IRF8: variants seen among roughly 807,000 people sequenced by gnomAD.
The protein encoded by IRF8 is interferon consensus sequence binding protein 1.
In IRF8, 14 loss-of-function variants were observed where a neutral mutation model predicts 48.7. The ratio of observed to expected loss-of-function variants is 0.29; its 90% CI spans 0.19 to 0.45. IRF8 has a LOEUF of 0.45. Among genes scored for constraint, IRF8 ranks in the 20% least tolerant of loss-of-function variants. IRF8 has a pLI of 1.00. For synonymous variants in IRF8, 278 were observed against 227.3 expected (o/e 1.22, Z -2.01); for missense variants, 493 against 580.7 (o/e 0.85, Z 1.55).
intron 6 of IRF8, among the ~76,000 whole-genome samples, chr16:85,916,320 G>A (rs554531959): frequency 2.0e-5 from 3 of 152,240 alleles, no homozygotes; most frequent in Non-Finnish European, 2.9e-5. Flanking sequence ...TCAGGCAGGT[G>A]GGCTGCAGGG....
At position 85,921,490 on chromosome 16, in the gene IRF8, A is replaced by T. The variant is rs1597258578; in HGVS notation, c.*208A>T. 1 of 613,762 alleles carries T rather than the reference A, an allele frequency of 1.6e-6. No homozygotes were observed. Among genetic ancestry groups the T allele is most frequent in the East Asian group, 2.8e-5 (1 of 35,332 alleles). The allele number at this position is 613,762 out of a possible 1,614,324, so 38.0% of individuals were successfully genotyped here. ...TGCCGAGATGTCGGTGATGGCCTGG[A>T]TGCTGTAACCACAACCTGTGGCTAA... On this transcript the variant is annotated 3_prime_UTR_variant, in exon 9 of 9. Transcript: ENST00000268638.
intron 1 of IRF8, among the ~76,000 whole-genome samples, chr16:85,899,725 G>A (rs140111344): frequency 2.0e-5 from 3 of 152,292 alleles, no homozygotes; most frequent in South Asian, 2.1e-4. Flanking sequence ...TCTGAGTCTG[G>A]CTTGAGGGCC....
At position 85,918,638 on chromosome 16, in the gene IRF8, G is replaced by A; in HGVS notation, c.823G>A (p.Glu275Lys). Residue 275 changes from glutamate to lysine, a missense_variant, in exon 7 of 9, where the codon GAG (glutamate) becomes AAG (lysine). Glu to Lys is a moderately conservative substitution (Grantham distance 56, BLOSUM62 1). This residue lies in a region of IRF8 where 408 missense variants were observed against 449.6 expected (regional missense o/e 0.91). Coordinates refer to ENST00000268638, the MANE Select transcript of IRF8 (RefSeq NM_002163.4). ...GACGCGGAAGCTGTTCGGGCACCTG[G>A]AGCGCGGGGTGCTGCTGCACAGCAG... ...QVTRKLFGHL[E>K]RGVLLHSSRQ... 1.2e-6 allele frequency: 2 copies of A among 1,609,044 alleles called. No individual in the cohort carries two copies. The highest frequency in any genetic ancestry group is 1.1e-5 in the South Asian group (1 of 91,060).
At chr16:85,920,003 TA>T in intron 7 of IRF8, 105 bp from the exon 8 acceptor site, 1 of 837,484 alleles carries the variant, frequency 1.2e-6, no homozygotes, top group Non-Finnish European at 2.0e-6. Context: ...TGCCCTGGCC[TA>T]AATGCTACAA....
intron 3 of IRF8, chr16:85,909,445 C>T (rs1905085566): frequency 4.2e-6 from 2 of 476,114 alleles, no homozygotes; most frequent in East Asian, 8.0e-5. Context: ...AACAAGCATC[C>T]TCCAGCAGTT....
At chr16:85,915,787 C>G (rs1029783089) in intron 6 of IRF8, among the ~76,000 whole-genome samples, 23 of 152,190 alleles carry the variant, frequency 1.5e-4, no homozygotes, top group African/African-American at 5.5e-4. Context: ...AGGCACAGAA[C>G]TGAGCCATCT....
At chr16:85,911,463 A>AACTT (rs1215413132) in intron 3 of IRF8, 107 bp from the exon 4 acceptor site, 1 of 940,976 alleles carries the variant, frequency 1.1e-6, no homozygotes. Flanking sequence ...GACACTCACT[A>AACTT]ACTTAATGTT....
chr16:85,915,600 G>C (rs62052557), intron 6 of IRF8, among the ~76,000 whole-genome samples: 1 of 152,222 alleles, frequency 6.6e-6, no homozygotes, highest in African/African-American at 2.4e-5. Context: ...TCCAGGTCGC[G>C]CAGGCCTCTG....
At chr16:85,921,010 C>G (rs1597258201) in intron 8 of IRF8, 96 bp from the exon 9 acceptor site, 2 of 1,247,040 alleles carry the variant, frequency 1.6e-6, no homozygotes, top group Non-Finnish European at 2.3e-6. Flanking sequence ...TCACGTGGCA[C>G]TGGGGTCATC....
At chr16:85,904,857 T>G (rs1328530242) in intron 2 of IRF8, among the ~76,000 whole-genome samples, 1 of 147,142 alleles carries the variant, frequency 6.8e-6, no homozygotes, top group Non-Finnish European at 1.5e-5. Context: ...GGTGAACTTC[T>G]CTTGGGAAGG....
At chr16:85,904,218 CAT>C (rs1463955513) in intron 2 of IRF8, among the ~76,000 whole-genome samples, 7 of 152,022 alleles carry the variant, frequency 4.6e-5, no homozygotes, top group African/African-American at 1.7e-4. Context: ...AAGCCATTGC[CAT>C]GTGTGCTTAT....
chr16:85,908,718 G>A (rs1905067706), intron 2 of IRF8, among the ~76,000 whole-genome samples: 1 of 152,198 alleles, frequency 6.6e-6, no homozygotes, highest in Admixed American at 6.5e-5. Flanking sequence ...CTCCAGGGTT[G>A]GAGGAGCCTT....
At chr16:85,906,618 A>G (rs1450496283) in intron 2 of IRF8, among the ~76,000 whole-genome samples, 1 of 152,214 alleles carries the variant, frequency 6.6e-6, no homozygotes, top group Non-Finnish European at 1.5e-5. Context: ...ACGAGTGAGT[A>G]TGGCAGTGCC....
intron 2 of IRF8, 32 bp from the exon 3 acceptor site, chr16:85,908,958 T>C: frequency 6.3e-7 from 1 of 1,595,290 alleles, no homozygotes; most frequent in Non-Finnish European, 8.6e-7. Context: ...GAGTCGGCCA[T>C]GAATTTAATG....
At chr16:85,906,380 T>G (rs1482456655) in intron 2 of IRF8, among the ~76,000 whole-genome samples, 2 of 152,132 alleles carry the variant, frequency 1.3e-5, no homozygotes, top group Admixed American at 1.3e-4. Flanking sequence ...ATGTCTAGTT[T>G]TTGCTCTAGC....
At chr16:85,916,089 G>A (rs1011041599) in intron 6 of IRF8, among the ~76,000 whole-genome samples, 1 of 152,234 alleles carries the variant, frequency 6.6e-6, no homozygotes, top group African/African-American at 2.4e-5. Context: ...AACTTCAGGA[G>A]TCTTGTCTGT....
chr16:85,904,263 G>A (rs1904920337), intron 2 of IRF8, among the ~76,000 whole-genome samples: 1 of 152,118 alleles, frequency 6.6e-6, no homozygotes, highest in Non-Finnish European at 1.5e-5. Context: ...GATGGGGAGG[G>A]GAGAGTGAGT....
chr16:85,910,985 C>T (rs1344546808), intron 3 of IRF8, among the ~76,000 whole-genome samples: 2 of 152,100 alleles, frequency 1.3e-5, no homozygotes, highest in African/African-American at 2.4e-5. Flanking sequence ...GCTGGCCCAG[C>T]GTGCCCCTGT....
chr16:85,912,514 G>A (rs1905175169), intron 4 of IRF8, among the ~76,000 whole-genome samples: 1 of 152,254 alleles, frequency 6.6e-6, no homozygotes, highest in African/African-American at 2.4e-5. Flanking sequence ...GCTGCCAAGT[G>A]TCTGGGTGGT....
Sources: gnomAD v4.1 joint callset for allele counts (sites outside exome capture counted in the v4.1 genomes callset) on GRCh38, gnomAD v4.1.1 for gene constraint, gnomAD v4.1.1 regional missense constraint, MANE v1.5 for transcripts, NCBI Gene and HGNC (gene_info 2026-07-23, HGNC 2026-07-21) for gene names.